Variants in RHOBTB1 observed in about 807,000 individuals in gnomAD.
RHOBTB1 encodes rho-related BTB domain-containing protein 1.
RHOBTB1 carries 40 observed loss-of-function variants against 71.6 expected under a neutral mutation model. The observed-to-expected ratio is 0.56, with a 90% CI of 0.43 to 0.73. RHOBTB1 has a LOEUF of 0.73. Among genes scored for constraint, RHOBTB1 ranks in the 30% least tolerant of loss-of-function variants. The pLI, the probability that RHOBTB1 is intolerant of heterozygous loss-of-function variation, is 0.00. For missense variants in RHOBTB1, 797 were observed against 894.0 expected, an observed-to-expected ratio of 0.89 and a Z score of 1.38; for synonymous variants, 319 against 334.9, an observed-to-expected ratio of 0.95 and a Z score of 0.52.
chr10:60,885,269 C>T (rs1485156983), intron 7 of RHOBTB1, among the ~76,000 whole-genome samples: 1 of 152,112 alleles, frequency 6.6e-6, no homozygotes, highest in Non-Finnish European at 1.5e-5. Context: ...TATATTGAAA[C>T]ATCATGTACC....
rs2080695059 is a variant in RHOBTB1, at chr10:60,869,781, ATAAT to A, written c.*1697_*1700del. The A allele has an allele frequency of 1.3e-5, 2 of 152,562 alleles. No homozygotes were observed. Among genetic ancestry groups the A allele is most frequent in the African/African-American group, 4.8e-5 (2 of 41,448 alleles). The allele number at this position is 152,562 out of a possible 1,614,324, so 9.5% of individuals were successfully genotyped here. A position where few individuals can be genotyped will look rare whatever the true frequency, so the allele number is the denominator to read the frequency against. ...GATAAGATTTACAAGCCTATTGAAA[ATAAT>A]TAAGATGGATGCATTTGTAACTATC... On this transcript the variant is annotated 3_prime_UTR_variant, in exon 11 of 11. Transcript: ENST00000337910.
chr10:60,959,208 G>A (rs2085698781), intron 2 of RHOBTB1, among the ~76,000 whole-genome samples: 1 of 152,176 alleles, frequency 6.6e-6, no homozygotes, highest in Admixed American at 6.5e-5. Context: ...AGTGTTTAAA[G>A]CAAGGGAAAG....
intron 1 of RHOBTB1, among the ~76,000 whole-genome samples, chr10:60,995,767 A>G (rs1160368882): frequency 6.6e-6 from 1 of 152,152 alleles, no homozygotes; most frequent in Non-Finnish European, 1.5e-5. Context: ...TGCAATTTCA[A>G]CTTGGAAAAG....
intron 4 of RHOBTB1, among the ~76,000 whole-genome samples, chr10:60,903,680 GGGCCCCTGGGTCAGACT>G (rs1430505538): frequency 4.4e-5 from 2 of 45,032 alleles, no homozygotes; most frequent in Admixed American, 1.7e-4. Context: ...GTCAGACTAT[GGGCCCCTGGGTCAGACT>G]ATGAGCCACT....
At chr10:60,873,033 T>C (rs1386982620) in intron 9 of RHOBTB1, among the ~76,000 whole-genome samples, 1 of 152,196 alleles carries the variant, frequency 6.6e-6, no homozygotes, top group African/African-American at 2.4e-5. Flanking sequence ...GGTGGATCCC[T>C]AGAACCTACA....
rs2080966984 is a variant in RHOBTB1, at chr10:60,874,859, T to C, written c.1815+95A>G. 1.9e-5 allele frequency: 17 copies of C among 872,892 alleles called. No individual in the cohort carries two copies. In the South Asian group the frequency reaches 2.3e-4, roughly 12 times the overall value. The allele number at this position is 872,892 out of a possible 1,614,324, so 54.1% of individuals were successfully genotyped here. A position where few individuals can be genotyped will look rare whatever the true frequency, so the allele number is the denominator to read the frequency against. ...GGGACTCTGTGACTCAGTGGTGACA[T>C]CTTCATTTAGACAGATGCAACAATG... On this transcript the variant is annotated intron_variant, in intron 9 of 10. Coordinates refer to ENST00000337910, the MANE Select transcript of RHOBTB1 (RefSeq NM_014836.5).
chr10:60,918,329 C>T lies in RHOBTB1; in HGVS notation c.-10-6777G>A, dbSNP rs114386730. Among the ~76,000 whole-genome samples the T allele has an allele frequency of 5.4e-3, 827 of 152,240 alleles. 4 individuals carry two copies. The highest frequency in any genetic ancestry group is 0.019 in the African/African-American group (804 of 41,538). On this transcript the variant is annotated intron_variant, in intron 2 of 10. Coordinates refer to ENST00000337910, the MANE Select transcript of RHOBTB1 (RefSeq NM_014836.5). ...CATTTCCCTTCCTTTGGTGGTACCC[C>T]AACCCAACCTTCAGTCTTTGCCTTG... is the stretch of plus-strand genomic sequence containing the variant.
chr10:60,869,398 A>G (rs1412237535), downstream of RHOBTB1: 1 of 152,588 alleles, frequency 6.6e-6, no homozygotes, highest in Admixed American at 6.5e-5. Context: ...TAAATCACAC[A>G]CACAATATGA....
intron 4 of RHOBTB1, among the ~76,000 whole-genome samples, chr10:60,900,664 A>G (rs1487939941): frequency 6.6e-6 from 1 of 152,234 alleles, no homozygotes; most frequent in Non-Finnish European, 1.5e-5. Context: ...GATATCAGAA[A>G]GTAAAACCTG....
At chr10:60,995,846 T>TA (rs566299982) in intron 1 of RHOBTB1, among the ~76,000 whole-genome samples, 207 of 147,072 alleles carry the variant, frequency 1.4e-3, no homozygotes, top group African/African-American at 4.1e-3. Context: ...TCCCCCAAGA[T>TA]AAAAAAAAAA....
chr10:60,986,429 AT>A (rs2086669815), intron 1 of RHOBTB1, among the ~76,000 whole-genome samples: 5 of 144,348 alleles, frequency 3.5e-5, no homozygotes, highest in African/African-American at 1.0e-4. Flanking sequence ...ATATATATAT[AT>A]AAAATATATA....
In RHOBTB1 at chr10:60,870,935, C is replaced by T. The variant is rs1288922801; in HGVS notation, c.*547G>A. The T allele has an allele frequency of 6.6e-6, 1 of 152,608 alleles. No homozygotes were observed. The highest frequency in any genetic ancestry group is 6.5e-5 in the Admixed American group (1 of 15,278). 9.5% of individuals were successfully genotyped at this position (152,608 alleles called of 1,614,324 possible). ...GTTATTCAACAGAACAAAGATTAAACACTCTCCAATTTGCACTTTGGGAGA... is the reference window on the plus strand; with the variant it reads ...GTTATTCAACAGAACAAAGATTAAATACTCTCCAATTTGCACTTTGGGAGA... On this transcript the variant is annotated 3_prime_UTR_variant, in exon 11 of 11. Coordinates refer to ENST00000337910, the MANE Select transcript of RHOBTB1 (RefSeq NM_014836.5).
intron 6 of RHOBTB1, 28 bp from the exon 7 acceptor site, chr10:60,886,258 A>G (rs753963530): frequency 6.4e-7 from 1 of 1,573,918 alleles, no homozygotes; most frequent in Middle Eastern, 1.7e-4. Context: ...AAACACAACC[A>G]TGAGCCAACT....
chr10:60,883,849 G>C (rs942819985), intron 7 of RHOBTB1, among the ~76,000 whole-genome samples: 3 of 152,204 alleles, frequency 2.0e-5, no homozygotes, highest in African/African-American at 7.2e-5. Context: ...GCCAAGAAAG[G>C]TTAAGTCACT....
At chr10:60,886,427 A>G (rs1463071531) in intron 6 of RHOBTB1, among the ~76,000 whole-genome samples, 197 bp from the exon 7 acceptor site, 3 of 152,190 alleles carry the variant, frequency 2.0e-5, no homozygotes, top group African/African-American at 7.2e-5. Context: ...TGTATTTGAC[A>G]TCATCACACA....
At chr10:60,988,156 G>T (rs1302540655) in intron 1 of RHOBTB1, among the ~76,000 whole-genome samples, 1 of 151,318 alleles carries the variant, frequency 6.6e-6, no homozygotes, top group South Asian at 2.1e-4. Flanking sequence ...GGATGGTCTC[G>T]ACCTCCTGAC....
At chr10:60,946,192 C>A (rs28423691), upstream of RHOBTB1, among the ~76,000 whole-genome samples, 11 of 148,286 alleles carry the variant, frequency 7.4e-5, no homozygotes, top group East Asian at 4.0e-4. Flanking sequence ...AAAAAAAAAA[C>A]AAAAAACTGA....
intron 1 of RHOBTB1, among the ~76,000 whole-genome samples, chr10:60,998,974 T>A (rs962138828): frequency 1.3e-5 from 2 of 152,230 alleles, no homozygotes; most frequent in African/African-American, 4.8e-5. Flanking sequence ...TTTTCTTTTC[T>A]GTGAAACACA....
chr10:60,922,093 T>C lies in RHOBTB1; in HGVS notation c.-10-10541A>G, dbSNP rs549139164. Among the ~76,000 whole-genome samples the C allele has an allele frequency of 7.2e-5, 11 of 152,304 alleles. No homozygotes were observed. The South Asian group carries it at 2.1e-3, about 29-fold the overall frequency. The stretch of plus-strand genomic sequence containing the variant: ...AGCCGATTTATAAATGTTAATAATA[T>C]TTATATATAAGGGTCTCATAAAGTT... On this transcript the variant is annotated intron_variant, in intron 2 of 10. Transcript: ENST00000337910.
Sources: allele counts gnomAD v4.1 joint callset (sites outside exome capture counted in the v4.1 genomes callset), GRCh38; gene constraint gnomAD v4.1.1; transcripts MANE v1.5; gene names NCBI Gene and HGNC (gene_info 2026-07-23, HGNC 2026-07-21).